The following KPNA6 variants were observed in gnomAD, a reference collection of about 807,000 sequenced individuals.
KPNA6 encodes the protein karyopherin subunit alpha 6, also known as importin subunit alpha-7.
In KPNA6, 9 loss-of-function variants were observed where a neutral mutation model predicts 72.0. The observed-to-expected ratio is 0.13, with a 90% CI of 0.08 to 0.22. The LOEUF is 0.22. KPNA6 is among the 10% of genes least tolerant of loss of function. KPNA6 has a pLI of 1.00. For missense variants in KPNA6, 374 were observed against 655.7 expected (o/e 0.57, Z 4.69); for synonymous variants, 219 against 242.1 (o/e 0.90, Z 0.89).
In KPNA6 at chr1:32,128,438, CACAT is replaced by C. The variant is rs1641579876; in HGVS notation, c.4+20306_4+20309del. ...ATATATATATATATACACACACACA[CACAT>C]ATATATATACACATTTTTTTTTTCC... On this transcript the variant is annotated intron_variant, in intron 1 of 13. Coordinates refer to ENST00000373625, the MANE Select transcript of KPNA6 (RefSeq NM_012316.5). Among the ~76,000 whole-genome samples, 4 of 131,482 alleles carry C rather than the reference CACAT, an allele frequency of 3.0e-5. 1 individual carries two copies. Among genetic ancestry groups the C allele is most frequent in the African/African-American group, 1.1e-4 (4 of 36,972 alleles). The allele number at this position is 131,482 out of a possible 152,430, so 86.3% of individuals were successfully genotyped here. A position where few individuals can be genotyped will look rare whatever the true frequency, so the allele number is the denominator to read the frequency against.
At position 32,157,399 on chromosome 1, in the gene KPNA6, C is replaced by A; in HGVS notation, c.285C>A (p.Asp95Glu). The change falls in exon 4 of 14, where the codon GAC becomes GAA. Residue 95 changes from aspartate (D) to glutamate (E), a missense_variant. Asp to Glu is a conservative substitution (Grantham distance 45, BLOSUM62 2). Transcript: ENST00000373625. ...AGATGCTCTTTTCTGATGATTCTGA[C>A]CTGCAGTTAGCAACCACACAGAAAT... Reference protein sequence around the residue: ...MVEMLFSDDSDLQLATTQKFR... With the variant: ...MVEMLFSDDSELQLATTQKFR... 6.2e-7 allele frequency: 1 copy of A among 1,614,022 alleles called. No homozygotes were observed. Among genetic ancestry groups the A allele is most frequent in the South Asian group, 1.1e-5 (1 of 91,086 alleles).
chr1:32,135,871 A>T lies in KPNA6; in HGVS notation c.5-18717A>T, dbSNP rs529587836. On this transcript the variant is annotated intron_variant, in intron 1 of 13. Coordinates refer to ENST00000373625, the MANE Select transcript of KPNA6 (RefSeq NM_012316.5). ...ATACACCAAAAATCATACTAAATAT[A>T]CTAAAAATGTATGAATTGTATGGTT... Among the ~76,000 whole-genome samples the T allele has an allele frequency of 5.3e-5, 8 of 152,062 alleles. No individual in the cohort carries two copies. In the East Asian group the frequency reaches 9.7e-4, roughly 18 times the overall value.
chr1:32,171,605 CTT>C lies in KPNA6; in HGVS notation c.*713_*714del, dbSNP rs1366257433. On this transcript the variant is annotated 3_prime_UTR_variant, in exon 14 of 14. Coordinates refer to ENST00000373625, the MANE Select transcript of KPNA6 (RefSeq NM_012316.5). ...CAAAGGTCCCTCCCTCCCTCTGACT[CTT>C]TGCCCAGACCTCTTTAGTTTGGGGG... 1 of 152,204 alleles carries C rather than the reference CTT, an allele frequency of 6.6e-6. No homozygotes were observed. Among genetic ancestry groups the C allele is most frequent in the Non-Finnish European group, 1.5e-5 (1 of 68,078 alleles). 9.4% of individuals were successfully genotyped at this position (152,204 alleles called of 1,614,324 possible).
chr1:32,148,286 G>C (rs1265630700), intron 1 of KPNA6, among the ~76,000 whole-genome samples: 1 of 151,190 alleles, frequency 6.6e-6, no homozygotes, highest in Non-Finnish European at 1.5e-5. Context: ...TTTTTTAGTA[G>C]GTGCCACCAT....
At chr1:32,116,635 G>C (rs1461594368) in intron 1 of KPNA6, among the ~76,000 whole-genome samples, 1 of 152,030 alleles carries the variant, frequency 6.6e-6, no homozygotes, top group Non-Finnish European at 1.5e-5. Flanking sequence ...TCCAGACTTG[G>C]AAACTCCTTC....
At chr1:32,166,011 AAAACAAC>A in intron 10 of KPNA6, 87 bp from the exon 11 acceptor site, 3 of 1,418,306 alleles carry the variant, frequency 2.1e-6, no homozygotes, top group East Asian at 2.6e-5. Context: ...AAAAAAAACA[AAAACAAC>A]AACAACAACA....
intron 1 of KPNA6, among the ~76,000 whole-genome samples, chr1:32,139,410 G>A (rs1201547723): frequency 1.3e-5 from 2 of 152,148 alleles, no homozygotes; most frequent in Non-Finnish European, 2.9e-5. Flanking sequence ...ACAGTATGAA[G>A]CACACAGCAT....
chr1:32,148,455 A>G (rs1249777767), intron 1 of KPNA6, among the ~76,000 whole-genome samples: 1 of 149,088 alleles, frequency 6.7e-6, no homozygotes, highest in Admixed American at 6.7e-5. Flanking sequence ...GTGTAGATTC[A>G]TGTGTTTTAT....
chr1:32,148,570 C>CT lies in KPNA6; in HGVS notation c.5-6005dup, dbSNP rs1354307948. Among the ~76,000 whole-genome samples the CT allele has an allele frequency of 7.0e-3, 823 of 117,486 alleles. 6 individuals carry two copies. Among genetic ancestry groups the CT allele is most frequent in the African/African-American group, 8.6e-3 (267 of 31,192 alleles). The allele number at this position is 117,486 out of a possible 152,430, so 77.1% of individuals were successfully genotyped here. On this transcript the variant is annotated intron_variant, in intron 1 of 13. Coordinates refer to ENST00000373625, the MANE Select transcript of KPNA6 (RefSeq NM_012316.5). ...GTGTATATTGGTCTTTTTTTTTTTT[C>CT]TTTTTTTTTTTTTGAGAAGGAGTCT...
At chr1:32,160,026 C>T (rs1377563872) in intron 6 of KPNA6, among the ~76,000 whole-genome samples, 1 of 152,168 alleles carries the variant, frequency 6.6e-6, no homozygotes, top group Non-Finnish European at 1.5e-5. Context: ...TCGCCAGGCG[C>T]GGTGGCTCAC....
chr1:32,167,079 T>C (rs1642353414), intron 11 of KPNA6, 90 bp from the exon 12 acceptor site: 1 of 1,491,878 alleles, frequency 6.7e-7, no homozygotes, highest in Non-Finnish European at 9.2e-7. Flanking sequence ...GGGGAAGATG[T>C]CTAAGTCTCA....
chr1:32,132,713 C>G (rs992942905), intron 1 of KPNA6, among the ~76,000 whole-genome samples: 2 of 152,042 alleles, frequency 1.3e-5, no homozygotes, highest in African/African-American at 2.4e-5. Context: ...ACCATCCTGG[C>G]TAACACGGTG....
chr1:32,157,150 T>C (rs1184305063), intron 3 of KPNA6, among the ~76,000 whole-genome samples, 196 bp from the exon 4 acceptor site: 6 of 152,246 alleles, frequency 3.9e-5, no homozygotes, highest in African/African-American at 1.4e-4. Context: ...AGCCATCAGT[T>C]GCCTCAGAAT....
chr1:32,114,771 C>A (rs1641299618), intron 1 of KPNA6, among the ~76,000 whole-genome samples: 1 of 152,152 alleles, frequency 6.6e-6, no homozygotes, highest in Non-Finnish European at 1.5e-5. Context: ...CTAGTGTAGC[C>A]ACTTTCATTA....
In KPNA6 at chr1:32,162,381, A is replaced by G. The variant is rs757063699; in HGVS notation, c.768A>G (p.Val256=). ...EFAKVSPCLP[V]LSRLLFSSDS... is the part of the protein sequence containing the mutation. Reference sequence around the variant, plus strand: ...CACAGGTCTCTCCTTGTTTGCCTGTACTGTCTCGCCTACTCTTCAGCAGCG... The same window carrying G: ...CACAGGTCTCTCCTTGTTTGCCTGTGCTGTCTCGCCTACTCTTCAGCAGCG... The change falls in exon 9 of 14, where the codon GTA becomes GTG. Residue 256 remains valine, a synonymous_variant. Transcript: ENST00000373625. 4 of 1,606,346 alleles carry G rather than the reference A, an allele frequency of 2.5e-6. No individual in the cohort carries two copies. The highest frequency in any genetic ancestry group is 1.1e-5 in the South Asian group (1 of 89,816).
At chr1:32,129,230 T>A (rs563704999) in intron 1 of KPNA6, among the ~76,000 whole-genome samples, 2 of 150,240 alleles carry the variant, frequency 1.3e-5, no homozygotes, top group South Asian at 4.2e-4. Context: ...GTGTGAGATG[T>A]CAGCTTACTG....
At chr1:32,169,210 A>G (rs879791688) in intron 12 of KPNA6, among the ~76,000 whole-genome samples, 7 of 152,058 alleles carry the variant, frequency 4.6e-5, no homozygotes, top group East Asian at 3.9e-4. Flanking sequence ...TCTACAAAAA[A>G]TAAAAAATAA....
chr1:32,154,685 G>A lies in KPNA6; in HGVS notation c.102G>A (p.Glu34=). ...AAATGAGACGAAGAAGAGAGGAAGAGGGCATTCAGCTCCGGAAGCAGAAGC... is the reference window on the plus strand; with the variant it reads ...AAATGAGACGAAGAAGAGAGGAAGAAGGCATTCAGCTCCGGAAGCAGAAGC... The part of the protein sequence containing the change: ...PEEMRRRREE[E]GIQLRKQKRE... The change falls in exon 2 of 14, where the codon GAG becomes GAA. Residue 34 remains glutamate, a synonymous_variant. Transcript: ENST00000373625. 6.2e-7 allele frequency: 1 copy of A among 1,613,988 alleles called. No homozygotes were observed. The highest frequency in any genetic ancestry group is 8.5e-7 in the Non-Finnish European group (1 of 1,179,940).
intron 1 of KPNA6, among the ~76,000 whole-genome samples, chr1:32,152,695 A>G (rs1642054950): frequency 6.6e-6 from 1 of 151,930 alleles, no homozygotes; most frequent in African/African-American, 2.4e-5. Flanking sequence ...AATAGAAAAA[A>G]TTAGCCAGAC....
Sources: allele counts gnomAD v4.1 joint callset (sites outside exome capture counted in the v4.1 genomes callset), GRCh38; gene constraint gnomAD v4.1.1; transcripts MANE v1.5; gene names NCBI Gene and HGNC (gene_info 2026-07-23, HGNC 2026-07-21).